Variants in ZNF112 observed in about 807,000 individuals in gnomAD.
ZNF112 encodes the protein zinc finger protein 112.
A neutral mutation model predicts 77.7 loss-of-function variants in ZNF112; 37 were observed. The observed-to-expected ratio is 0.48, with a 90% CI of 0.37 to 0.63. The LOEUF (loss-of-function observed/expected upper bound fraction) is 0.63, where lower values mean the gene tolerates loss of function less well. Among genes scored for constraint, ZNF112 ranks in the 20% least tolerant of loss-of-function variants. The pLI is 0.00. For synonymous variants in ZNF112, 333 were observed against 363.6 expected (o/e 0.92, Z 0.96); for missense variants, 950 against 1,077.4 (o/e 0.88, Z 1.66).
Position 44,327,320 on chromosome 19 carries a change from G to T in ZNF112, c.*113C>A. 2 of 835,514 alleles carry T rather than the reference G, an allele frequency of 2.4e-6. No individual in the cohort carries two copies. The highest frequency in any genetic ancestry group is 3.7e-6 in the Non-Finnish European group (2 of 547,076). The allele number at this position is 835,514 out of a possible 1,614,324, so 51.8% of individuals were successfully genotyped here. ...AAATGTCTCTGTTGTGTGGTCTCCT[G>T]GCCATTATGAATGTTGAAGTTGGGC... On this transcript the variant is annotated 3_prime_UTR_variant, in exon 4 of 4. Coordinates refer to ENST00000354340, the MANE Select transcript of ZNF112 (RefSeq NM_013380.4).
intron 1 of ZNF112, among the ~76,000 whole-genome samples, chr19:44,363,808 C>T (rs1248164059): frequency 3.3e-5 from 5 of 152,190 alleles, no homozygotes; most frequent in Non-Finnish European, 7.3e-5. Flanking sequence ...TGTTTAACTG[C>T]TTAAGAAACC....
rs28485325 is a variant in ZNF112 at position 44,342,268 on chromosome 19, C to T, written c.-3-1726G>A. On this transcript the variant is annotated intron_variant, in intron 1 of 3. Coordinates refer to ENST00000354340, the MANE Select transcript of ZNF112 (RefSeq NM_013380.4). The stretch of plus-strand genomic sequence containing the variant: ...ATATAAGAATCTAGCTCTTCTTGTA[C>T]AAAAACATCTATTTTTCCCCCAACC... Among the ~76,000 whole-genome samples the T allele has an allele frequency of 4.1e-3, 628 of 152,164 alleles. 3 individuals carry two copies. Among genetic ancestry groups the T allele is most frequent in the African/African-American group, 0.014 (583 of 41,502 alleles).
upstream of ZNF112, among the ~76,000 whole-genome samples, chr19:44,359,315 C>CTTTTTTTTTTTTTTTTT (rs767955186): frequency 1.1e-4 from 6 of 54,834 alleles, 1 homozygote; most frequent in East Asian, 5.0e-4. Flanking sequence ...TATTAGAGTT[C>CTTTTTTTTTTTTTTTTT]TTTTTTTTTT....
At chr19:44,343,736 A>T (rs1225202492) in intron 1 of ZNF112, among the ~76,000 whole-genome samples, 1 of 152,230 alleles carries the variant, frequency 6.6e-6, no homozygotes, top group Non-Finnish European at 1.5e-5. Flanking sequence ...CAGACCACAC[A>T]GTGCCAACAA....
intron 1 of ZNF112, among the ~76,000 whole-genome samples, chr19:44,365,472 A>ATG (rs1297055327): frequency 3.7e-5 from 4 of 107,354 alleles, no homozygotes; most frequent in Non-Finnish European, 9.4e-5. Flanking sequence ...AAAAAATTAT[A>ATG]TATATATATA....
At chr19:44,348,337 G>C (rs1296157692) in intron 1 of ZNF112, among the ~76,000 whole-genome samples, 1 of 151,960 alleles carries the variant, frequency 6.6e-6, no homozygotes, top group Non-Finnish European at 1.5e-5. Flanking sequence ...TTCTGATATT[G>C]TCCCACAGGT....
chr19:44,365,483 T>C (rs1196560401), intron 1 of ZNF112, among the ~76,000 whole-genome samples: 1 of 151,688 alleles, frequency 6.6e-6, no homozygotes, highest in East Asian at 1.9e-4. Flanking sequence ...TATATATATA[T>C]TTATGTGTGT....
At chr19:44,340,913 T>C (rs1372177300) in intron 1 of ZNF112, among the ~76,000 whole-genome samples, 5 of 152,186 alleles carry the variant, frequency 3.3e-5, no homozygotes, top group Admixed American at 6.5e-5. Flanking sequence ...ATTTAATTTG[T>C]CAAATTTACA....
At chr19:44,346,776 C>T (rs909012535) in intron 1 of ZNF112, among the ~76,000 whole-genome samples, 2 of 152,108 alleles carry the variant, frequency 1.3e-5, no homozygotes, top group African/African-American at 2.4e-5. Context: ...ACACAGTTCC[C>T]GCTGCACAGA....
rs774707765 is a variant in ZNF112 at position 44,336,643 on chromosome 19, G to A, written c.200C>T (p.Thr67Ile). Residue 67 changes from threonine to isoleucine, a missense_variant, in exon 3 of 4, where the codon ACC (threonine) becomes ATC (isoleucine). By Grantham distance (89) the Thr-to-Ile change is moderately conservative. Transcript: ENST00000354340. ...EEKLLMVETE[T>I]PRDGCSGRKN... Reference sequence around the variant, plus strand: ...CTCACCTGAACATCCATCTCTTGGGGTTTCTGTCTCCACCATCAAAAGCTT... The same window carrying A: ...CTCACCTGAACATCCATCTCTTGGGATTTCTGTCTCCACCATCAAAAGCTT... 1.2e-6 allele frequency: 2 copies of A among 1,613,976 alleles called. No individual in the cohort carries two copies. The highest frequency in any genetic ancestry group is 2.2e-5 in the South Asian group (2 of 91,072).
In ZNF112 at chr19:44,344,703, T is replaced by C. The variant is rs150476139; in HGVS notation, c.-3-4161A>G. On this transcript the variant is annotated intron_variant, in intron 1 of 3. Transcript: ENST00000354340. ...GAGCATGGAAGGGCCCTCAAATCCA[T>C]ACATGATGATGGAGGATGGATGAGG... Among the ~76,000 whole-genome samples the C allele has an allele frequency of 3.8e-3, 578 of 152,254 alleles. 3 individuals carry two copies. The highest frequency in any genetic ancestry group is 0.013 in the African/African-American group (546 of 41,556).
At chr19:44,364,394 G>T (rs1480560505) in intron 1 of ZNF112, among the ~76,000 whole-genome samples, 1 of 152,112 alleles carries the variant, frequency 6.6e-6, no homozygotes, top group African/African-American at 2.4e-5. Flanking sequence ...GAGATGTTGG[G>T]CTCTTTAATA....
chr19:44,332,188 C>G (rs773003966), intron 3 of ZNF112, among the ~76,000 whole-genome samples: 1 of 152,102 alleles, frequency 6.6e-6, no homozygotes, highest in African/African-American at 2.4e-5. Flanking sequence ...TGGCAAGACT[C>G]TGTCTCAAAA....
chr19:44,354,391 A>G (rs1292153800), intron 1 of ZNF112, among the ~76,000 whole-genome samples: 2 of 152,276 alleles, frequency 1.3e-5, no homozygotes, highest in African/African-American at 4.8e-5. Flanking sequence ...CTGTTTTAAA[A>G]ACCTGGAAAC....
At chr19:44,362,474 T>C (rs1439734303) in intron 1 of ZNF112, among the ~76,000 whole-genome samples, 4 of 151,878 alleles carry the variant, frequency 2.6e-5, no homozygotes, top group East Asian at 1.9e-4. Context: ...ATTTTTGAGG[T>C]GAAAAGATTG....
upstream of ZNF112, among the ~76,000 whole-genome samples, chr19:44,358,284 AT>A (rs113581852): frequency 6.6e-5 from 10 of 151,828 alleles, no homozygotes; most frequent in African/African-American, 2.2e-4. Context: ...ATAATAGGGG[AT>A]TTTTTTTTAT....
At chr19:44,340,922 C>T (rs887724706) in intron 1 of ZNF112, among the ~76,000 whole-genome samples, 2 of 152,176 alleles carry the variant, frequency 1.3e-5, no homozygotes, top group Non-Finnish European at 2.9e-5. Flanking sequence ...GTCAAATTTA[C>T]AGGGTATCAG....
intron 1 of ZNF112, among the ~76,000 whole-genome samples, chr19:44,349,432 G>A (rs1970653283): frequency 6.6e-6 from 1 of 151,972 alleles, no homozygotes; most frequent in Non-Finnish European, 1.5e-5. Flanking sequence ...AATATTTTGT[G>A]AATGAATTAG....
chr19:44,334,915 T>A (rs76291321), intron 3 of ZNF112, among the ~76,000 whole-genome samples: 1 of 152,188 alleles, frequency 6.6e-6, no homozygotes, highest in Non-Finnish European at 1.5e-5. Flanking sequence ...AAATGTGGGG[T>A]TGGAGCCCCC....
Sources: allele counts gnomAD v4.1 joint callset (sites outside exome capture counted in the v4.1 genomes callset), GRCh38; gene constraint gnomAD v4.1.1; transcripts MANE v1.5; gene names NCBI Gene and HGNC (gene_info 2026-07-23, HGNC 2026-07-21).